The following ZCCHC7 variants were observed in gnomAD, a reference collection of about 807,000 sequenced individuals.
The protein encoded by ZCCHC7 is zinc finger CCHC domain-containing protein 7.
ZCCHC7 carries 35 observed loss-of-function variants against 52.0 expected under a neutral mutation model. The ratio of observed to expected loss-of-function variants is 0.67; its 90% CI spans 0.51 to 0.89. The LOEUF is 0.89. Ranked by LOEUF, ZCCHC7 falls within the 40% of genes least tolerant of loss-of-function variation. The probability of loss-of-function intolerance (pLI) is 0.00; values close to 1 mark genes in which losing one functional copy is unlikely to be tolerated. For synonymous variants in ZCCHC7, 217 were observed against 221.5 expected, an observed-to-expected ratio of 0.98 and a Z score of 0.18; for missense variants, 574 against 649.1, an observed-to-expected ratio of 0.88 and a Z score of 1.26.
chr9:37,254,651 A>G (rs1826486998), intron 2 of ZCCHC7, among the ~76,000 whole-genome samples: 1 of 152,034 alleles, frequency 6.6e-6, no homozygotes, highest in African/African-American at 2.4e-5. Flanking sequence ...TTTAAGAATT[A>G]CTACATTCAT....
intron 2 of ZCCHC7, among the ~76,000 whole-genome samples, chr9:37,232,753 C>T (rs1825466447): frequency 6.6e-6 from 1 of 152,188 alleles, no homozygotes; most frequent in Admixed American, 6.5e-5. Flanking sequence ...ATCACATACA[C>T]ATAAAGAGAT....
intron 2 of ZCCHC7, among the ~76,000 whole-genome samples, chr9:37,292,839 CGCTGGTATGTATCAAAT>C (rs1828601931): frequency 6.7e-6 from 1 of 150,096 alleles, no homozygotes; most frequent in African/African-American, 2.5e-5. Context: ...GAGAGAATCT[CGCTGGTATGTATCAAAT>C]GAAATTGAAG....
intron 2 of ZCCHC7, among the ~76,000 whole-genome samples, chr9:37,183,193 A>T (rs993054167): frequency 1.3e-5 from 2 of 152,222 alleles, no homozygotes; most frequent in African/African-American, 4.8e-5. Flanking sequence ...TGCAATGTTC[A>T]TGTGCTTGAA....
chr9:37,329,919 G>A (rs1490061391), intron 6 of ZCCHC7, among the ~76,000 whole-genome samples: 1 of 151,748 alleles, frequency 6.6e-6, no homozygotes, highest in Non-Finnish European at 1.5e-5. Context: ...CTACACTTAA[G>A]CATTGATTAA....
intron 2 of ZCCHC7, among the ~76,000 whole-genome samples, chr9:37,130,064 C>A (rs1842709350): frequency 6.6e-6 from 1 of 151,994 alleles, no homozygotes; most frequent in Non-Finnish European, 1.5e-5. Context: ...CATGGCGAAA[C>A]CCCATCTCTA....
At chr9:37,302,139 A>C in intron 2 of ZCCHC7, 49 bp from the exon 3 acceptor site, 1 of 1,453,102 alleles carries the variant, frequency 6.9e-7, no homozygotes, top group Non-Finnish European at 9.6e-7. Context: ...GTCAATCTAT[A>C]AGTCCTTTAA....
At chr9:37,158,141 A>G in intron 2 of ZCCHC7, among the ~76,000 whole-genome samples, 1 of 152,252 alleles carries the variant, frequency 6.6e-6, no homozygotes, top group East Asian at 1.9e-4. Context: ...AAACAAATTG[A>G]GAGCATTAGT....
chr9:37,183,753 A>G (rs960442673), intron 2 of ZCCHC7, among the ~76,000 whole-genome samples: 1 of 152,214 alleles, frequency 6.6e-6, no homozygotes, highest in African/African-American at 2.4e-5. Context: ...AACAACCCCA[A>G]TGAATTTTAT....
At chr9:37,290,462 C>T (rs1253091772) in intron 2 of ZCCHC7, among the ~76,000 whole-genome samples, 1 of 152,098 alleles carries the variant, frequency 6.6e-6, no homozygotes, top group Non-Finnish European at 1.5e-5. Flanking sequence ...TCAAGACCAG[C>T]CTGGGCAACG....
At chr9:37,285,966 C>T (rs1828189295) in intron 2 of ZCCHC7, among the ~76,000 whole-genome samples, 1 of 152,170 alleles carries the variant, frequency 6.6e-6, no homozygotes, top group Non-Finnish European at 1.5e-5. Context: ...TTTCTCTCTA[C>T]ATAGAAGACT....
rs773639385 is a variant in ZCCHC7, at chr9:37,247,898, C to T, written c.611-54290C>T. Among the ~76,000 whole-genome samples the T allele has an allele frequency of 2.6e-5, 4 of 151,502 alleles. No homozygotes were observed. In the East Asian group the frequency reaches 7.7e-4, roughly 29 times the overall value. On this transcript the variant is annotated intron_variant, in intron 2 of 8. Coordinates refer to ENST00000336755, the MANE Select transcript of ZCCHC7 (RefSeq NM_032226.3). ...CCTGGAAGACAAAGTGAGACCCTGT[C>T]TCAAAAAAAGTAAAAGTAAAAATAA...
At position 37,358,032 on chromosome 9, in the gene ZCCHC7, T is replaced by C. The variant is rs1268033177; in HGVS notation, c.*764T>C. On this transcript the variant is annotated 3_prime_UTR_variant, in exon 9 of 9. Coordinates refer to ENST00000336755, the MANE Select transcript of ZCCHC7 (RefSeq NM_032226.3). ...GAATATTACTCAAAAAATTTTTTTG[T>C]TCTCTTGCATTTTTTTCAACTACCG... is the stretch of plus-strand genomic sequence containing the variant. The C allele has an allele frequency of 6.6e-6, 1 of 152,218 alleles. No homozygotes were observed. Among genetic ancestry groups the C allele is most frequent in the Non-Finnish European group, 1.5e-5 (1 of 68,038 alleles). 9.4% of individuals were successfully genotyped at this position (152,218 alleles called of 1,614,324 possible). A position where few individuals can be genotyped will look rare whatever the true frequency, so the allele number is the denominator to read the frequency against.
chr9:37,230,859 C>T lies in ZCCHC7; in HGVS notation c.611-71329C>T, dbSNP rs144094356. On this transcript the variant is annotated intron_variant, in intron 2 of 8. Transcript: ENST00000336755. Reference sequence around the variant, plus strand: ...GGTTCTATGTGGTGGAATAAGTTCTCTTTGTTAGTCATATTTAAATTACTC... The same window carrying T: ...GGTTCTATGTGGTGGAATAAGTTCTTTTTGTTAGTCATATTTAAATTACTC... Among the ~76,000 whole-genome samples the T allele has an allele frequency of 6.1e-3, 923 of 152,032 alleles. 3 individuals carry two copies. Among genetic ancestry groups the T allele is most frequent in the Non-Finnish European group, 9.5e-3 (646 of 67,974 alleles).
rs1821755370 is a variant in ZCCHC7, at chr9:37,357,135, A to G, written c.1499A>G (p.His500Arg). 5 of 1,613,630 alleles carry G rather than the reference A, an allele frequency of 3.1e-6. No homozygotes were observed. The highest frequency in any genetic ancestry group is 2.5e-6 in the Non-Finnish European group (3 of 1,179,932). Residue 500 changes from histidine to arginine, a missense_variant, in exon 9 of 9, where the codon CAT becomes CGT. This residue lies in a region of ZCCHC7 where 168 missense variants were observed against 171.6 expected (regional missense o/e 0.98). Coordinates refer to ENST00000336755, the MANE Select transcript of ZCCHC7 (RefSeq NM_032226.3). ...TCTAAGCCCTTTCACCGTTCATCAC[A>G]TTACCACACGTCAAGAGAAGACAAG... ...KPSKPFHRSSHYHTSREDKSP... is the reference protein window; with the variant it reads ...KPSKPFHRSSRYHTSREDKSP...
chr9:37,305,171 T>C (rs1013161645), intron 4 of ZCCHC7, among the ~76,000 whole-genome samples: 4 of 152,198 alleles, frequency 2.6e-5, no homozygotes, highest in Non-Finnish European at 5.9e-5. Flanking sequence ...ACACCTCTTA[T>C]GCTCCTTTTT....
chr9:37,215,859 T>A (rs1285741784), intron 2 of ZCCHC7, among the ~76,000 whole-genome samples: 1 of 152,182 alleles, frequency 6.6e-6, no homozygotes. Flanking sequence ...TATAAATCAA[T>A]TTGTAATTGA....
intron 2 of ZCCHC7, among the ~76,000 whole-genome samples, chr9:37,161,412 A>C (rs1024656941): frequency 1.3e-5 from 2 of 152,040 alleles, no homozygotes; most frequent in South Asian, 4.2e-4. Context: ...ATCTCTACTA[A>C]AAATACAAAA....
At chr9:37,254,193 G>C (rs890982407) in intron 2 of ZCCHC7, among the ~76,000 whole-genome samples, 1 of 151,942 alleles carries the variant, frequency 6.6e-6, no homozygotes, top group Admixed American at 6.6e-5. Context: ...TCCATTTTAC[G>C]AAGAACTGGC....
intron 2 of ZCCHC7, among the ~76,000 whole-genome samples, chr9:37,139,695 T>C (rs934131810): frequency 6.6e-6 from 1 of 151,984 alleles, no homozygotes; most frequent in Non-Finnish European, 1.5e-5. Context: ...GTGAAAATCA[T>C]TTGTACTTCC....
Sources: allele counts gnomAD v4.1 joint callset (sites outside exome capture counted in the v4.1 genomes callset), GRCh38; gene constraint gnomAD v4.1.1; regional missense constraint gnomAD v4.1.1; transcripts MANE v1.5; gene names NCBI Gene and HGNC (gene_info 2026-07-23, HGNC 2026-07-21).